The following CRTC3 variants were observed in gnomAD, a reference collection of about 807,000 sequenced individuals.
CRTC3 encodes CREB-regulated transcription coactivator 3.
A neutral mutation model predicts 74.5 loss-of-function variants in CRTC3; 26 were observed. The observed-to-expected ratio is 0.35, with a 90% confidence interval of 0.26 to 0.48. The LOEUF is 0.48. Among genes scored for constraint, CRTC3 ranks in the 20% least tolerant of loss-of-function variants. The pLI, the probability that CRTC3 is intolerant of heterozygous loss-of-function variation, is 0.99. For missense variants in CRTC3, 760 were observed against 787.3 expected (o/e 0.97, Z 0.41); for synonymous variants, 377 against 325.8 (o/e 1.16, Z -1.69).
chr15:90,544,740 T>C (rs1452267836), intron 2 of CRTC3, among the ~76,000 whole-genome samples: 3 of 152,260 alleles, frequency 2.0e-5, no homozygotes, highest in African/African-American at 7.2e-5. Context: ...TTCACATTCT[T>C]ACCAGCAGTG....
intron 2 of CRTC3, among the ~76,000 whole-genome samples, chr15:90,544,140 T>C (rs4932347): frequency 0.49 from 74,841 of 152,048 alleles, 18,991 homozygotes; most frequent in Non-Finnish European, 0.55. Flanking sequence ...GCACCATGAA[T>C]GCTCTGGGGA....
chr15:90,617,154 C>G (rs1394206646), intron 7 of CRTC3, among the ~76,000 whole-genome samples: 1 of 152,154 alleles, frequency 6.6e-6, no homozygotes, highest in East Asian at 1.9e-4. Context: ...ATTCCCTTCT[C>G]CTGTGTCTCT....
chr15:90,603,323 G>A (rs557298987), intron 4 of CRTC3, among the ~76,000 whole-genome samples: 5 of 148,806 alleles, frequency 3.4e-5, no homozygotes, highest in Non-Finnish European at 7.5e-5. Context: ...GGCGCCTGTA[G>A]TCCCAGCTAC....
intron 3 of CRTC3, among the ~76,000 whole-genome samples, chr15:90,601,638 A>G (rs1018694147): frequency 1.3e-5 from 2 of 152,158 alleles, no homozygotes; most frequent in Non-Finnish European, 2.9e-5. Context: ...GGGCCAAAAA[A>G]AAGAGTGAAA....
intron 1 of CRTC3, among the ~76,000 whole-genome samples, chr15:90,533,084 CAAAAAAAAAAAAAAAAAAAAAAAAAA>C (rs766911510): frequency 4.2e-4 from 8 of 18,862 alleles, no homozygotes; most frequent in Non-Finnish European, 6.8e-4. Context: ...GACTTCATCT[CAAAAAAAAAAAAAAAAAAAAAAAAAA>C]AAAAAAAAAA....
chr15:90,563,835 T>C (rs8024734), intron 2 of CRTC3, among the ~76,000 whole-genome samples: 131,523 of 152,288 alleles, frequency 0.86, 57,296 homozygotes, highest in African/African-American at 0.95. Flanking sequence ...CCCTTTGTTT[T>C]TGAATGAAAT....
In CRTC3 at chr15:90,579,362, G is replaced by A. The variant is rs1967482569; in HGVS notation, c.232-14274G>A. ...TTCCCCACTGGGGACCGACAGCCTT[G>A]GGGAAGTGGACAGTCCTGGTTCTTG... On this transcript the variant is annotated intron_variant, in intron 2 of 14. Coordinates refer to ENST00000268184, the MANE Select transcript of CRTC3 (RefSeq NM_022769.5). Among the ~76,000 whole-genome samples the A allele has an allele frequency of 1.3e-5, 2 of 152,142 alleles. 1 individual carries two copies. Among genetic ancestry groups the A allele is most frequent in the South Asian group, 4.1e-4 (2 of 4,830 alleles).
chr15:90,644,134 C>CTG lies in CRTC3; in HGVS notation c.*1995_*1996dup, dbSNP rs1969547016. 1 of 228,790 alleles carries CTG rather than the reference C, an allele frequency of 4.4e-6. No homozygotes were observed. Among genetic ancestry groups the CTG allele is most frequent in the Non-Finnish European group, 8.7e-6 (1 of 115,294 alleles). The allele number at this position is 228,790 out of a possible 1,614,324, so 14.2% of individuals were successfully genotyped here. A position where few individuals can be genotyped will look rare whatever the true frequency, so the allele number is the denominator to read the frequency against. On this transcript the variant is annotated 3_prime_UTR_variant, in exon 15 of 15. Coordinates refer to ENST00000268184, the MANE Select transcript of CRTC3 (RefSeq NM_022769.5). The stretch of plus-strand genomic sequence containing the variant: ...GAAATCAAACCAGAGTCCTCCTCGC[C>CTG]TGATTTCCAGCTCAGGAAGGGCCTG...
rs187421183 is a variant in CRTC3 at position 90,635,370 on chromosome 15, C to T, written c.1267-3076C>T. 3.2e-3 allele frequency among the ~76,000 whole-genome samples: 485 copies of T among 152,194 alleles called. 3 individuals carry two copies. Among genetic ancestry groups the T allele is most frequent in the African/African-American group, 0.011 (473 of 41,534 alleles). ...AGTTTTACATTCTTCTCTGGCCAGGCGTGGTGGCTCACACCTGTAATCTCA... is the reference window on the plus strand; with the variant it reads ...AGTTTTACATTCTTCTCTGGCCAGGTGTGGTGGCTCACACCTGTAATCTCA... On this transcript the variant is annotated intron_variant, in intron 11 of 14. Coordinates refer to ENST00000268184, the MANE Select transcript of CRTC3 (RefSeq NM_022769.5).
chr15:90,575,555 A>G (rs1192164072), intron 2 of CRTC3, among the ~76,000 whole-genome samples: 1 of 152,202 alleles, frequency 6.6e-6, no homozygotes, highest in Non-Finnish European at 1.5e-5. Context: ...AGTTGTCTCA[A>G]CACTATTTAT....
intron 5 of CRTC3, among the ~76,000 whole-genome samples, chr15:90,605,109 AGGCGTGGTG>A (rs1472512406): frequency 6.6e-6 from 1 of 151,334 alleles, no homozygotes; most frequent in Non-Finnish European, 1.5e-5. Context: ...AAAAAAAAAA[AGGCGTGGTG>A]GCACGTGCCT....
intron 6 of CRTC3, among the ~76,000 whole-genome samples, chr15:90,611,740 C>A (rs149661748): frequency 2.0e-5 from 3 of 152,152 alleles, no homozygotes; most frequent in Non-Finnish European, 4.4e-5. Context: ...CTGCCAGTAT[C>A]CTACTTGGTT....
chr15:90,597,706 T>G (rs535216163), intron 3 of CRTC3: 1 of 152,220 alleles, frequency 6.6e-6, no homozygotes, highest in South Asian at 2.1e-4. Flanking sequence ...AAAATCCAAC[T>G]GTTACCTAAC....
intron 2 of CRTC3, among the ~76,000 whole-genome samples, chr15:90,579,973 T>C (rs752954580): frequency 2.0e-5 from 3 of 152,146 alleles, no homozygotes; most frequent in African/African-American, 7.2e-5. Context: ...AGTTTTATAT[T>C]ACATGCTGAT....
At chr15:90,638,288 A>G in intron 11 of CRTC3, 158 bp from the exon 12 acceptor site, 2 of 606,234 alleles carry the variant, frequency 3.3e-6, no homozygotes, top group South Asian at 4.2e-5. Flanking sequence ...TTTGAGATAT[A>G]CTTTGAAGGA....
Position 90,642,099 on chromosome 15 carries a change from GA to G in CRTC3, c.1820del (p.Asp607AlafsTer30). 1 of 1,614,062 alleles carries G rather than the reference GA, an allele frequency of 6.2e-7. No homozygotes were observed. Among genetic ancestry groups the G allele is most frequent in the Non-Finnish European group, 8.5e-7 (1 of 1,180,046 alleles). Reference protein sequence around the residue: ...MLSDSSMGLLDPSVEETFRAD... With the variant: ...MLSDSSMGLLXPSVEETFRAD... ...AAGTGACTCCAGCATGGGCCTGCTG[GA>G]CCCCTCTGTTGAAGAGACGTTTCGA... On this transcript the variant is annotated frameshift_variant, in exon 15 of 15. Transcript: ENST00000268184. LOFTEE classifies it high-confidence loss of function.
chr15:90,545,285 A>G (rs1292111239), intron 2 of CRTC3, among the ~76,000 whole-genome samples: 1 of 152,206 alleles, frequency 6.6e-6, no homozygotes, highest in African/African-American at 2.4e-5. Context: ...GGCTATTGTG[A>G]ATAATGCTGC....
intron 6 of CRTC3, among the ~76,000 whole-genome samples, chr15:90,612,671 T>A (rs1968392427): frequency 6.6e-6 from 1 of 151,928 alleles, no homozygotes; most frequent in African/African-American, 2.4e-5. Flanking sequence ...TTTTTAGTAA[T>A]CAGAATGAAG....
At chr15:90,634,602 G>GATGGTTT (rs2038261636) in intron 11 of CRTC3, 2 of 452,916 alleles carry the variant, frequency 4.4e-6, no homozygotes, top group Non-Finnish European at 8.0e-6. Flanking sequence ...TTTCACGGCA[G>GATGGTTT]ATGGTTTCCT....
Sources: gnomAD v4.1 joint callset for allele counts (sites outside exome capture counted in the v4.1 genomes callset) on GRCh38, gnomAD v4.1.1 for gene constraint, MANE v1.5 for transcripts, NCBI Gene and HGNC (gene_info 2026-07-23, HGNC 2026-07-21) for gene names.